The following TNFSF4 variants were observed in gnomAD, a reference collection of about 807,000 sequenced individuals.
The protein encoded by TNFSF4 is TNF superfamily member 4, also known as tumor necrosis factor ligand superfamily member 4.
A neutral mutation model predicts 7.3 loss-of-function variants in TNFSF4; 4 were observed. That is an observed-to-expected ratio of 0.55 (90% CI 0.27 to 1.25). The LOEUF is 1.25. Among genes scored for constraint, TNFSF4 ranks in the 50% most tolerant of loss-of-function variants. The probability of loss-of-function intolerance (pLI) is 0.12; values close to 1 mark genes in which losing one functional copy is unlikely to be tolerated. For missense variants in TNFSF4, 181 were observed against 208.8 expected, an observed-to-expected ratio of 0.87 and a Z score of 0.82; for synonymous variants, 76 against 83.7, an observed-to-expected ratio of 0.91 and a Z score of 0.50.
At chr1:173,356,774 T>C in the TNFSF4 span, among the ~76,000 whole-genome samples, 145,779 of 152,316 alleles carry the variant, frequency 0.96, 70,086 homozygotes, top group East Asian at 1. Flanking sequence ...TAGCAATCAA[T>C]AGTATAATTT....
the TNFSF4 span, among the ~76,000 whole-genome samples, chr1:173,446,705 T>C: frequency 1.3e-5 from 2 of 152,186 alleles, no homozygotes; most frequent in African/African-American, 4.8e-5. Context: ...CTGGCCTTCA[T>C]CTTTCTCCCC....
In TNFSF4 at chr1:173,186,811, A is replaced by T. The variant is rs1023344414; in HGVS notation, c.257T>A (p.Met86Lys). ...ILTSQKEDEI[M>K]KVQNNSVIIN... ...GATGACTGAGTTGTTCTGCACCTTC[A>T]TGATTTCATCCTCCTTTTGGGAAGT... Residue 86 changes from methionine (M) to lysine (K), a missense_variant, in exon 3 of 3, where the codon ATG becomes AAG. Transcript: ENST00000281834. 3 of 1,612,368 alleles carry T rather than the reference A, an allele frequency of 1.9e-6. No individual in the cohort carries two copies. The highest frequency in any genetic ancestry group is 2.5e-6 in the Non-Finnish European group (3 of 1,179,158).
chr1:173,379,987 C>T, the TNFSF4 span, among the ~76,000 whole-genome samples: 1 of 152,204 alleles, frequency 6.6e-6, no homozygotes, highest in Non-Finnish European at 1.5e-5. Context: ...AGCGCCAGCT[C>T]ATGTCATCAG....
chr1:173,375,881 T>A, the TNFSF4 span, among the ~76,000 whole-genome samples: 8 of 152,142 alleles, frequency 5.3e-5, no homozygotes, highest in Non-Finnish European at 8.8e-5. Flanking sequence ...GTCCGTGCCA[T>A]CTTTAAGAGC....
chr1:173,292,047 T>C, the TNFSF4 span, among the ~76,000 whole-genome samples: 1 of 151,766 alleles, frequency 6.6e-6, no homozygotes. Flanking sequence ...AGCTGAATTA[T>C]ACCAAACGTA....
At chr1:173,278,574 G>C in the TNFSF4 span, among the ~76,000 whole-genome samples, 97 of 152,188 alleles carry the variant, frequency 6.4e-4, no homozygotes, top group African/African-American at 2.1e-3. Flanking sequence ...TCACTGGAAA[G>C]TAGTCTTCAA....
At chr1:173,190,674 A>G (rs574320203) in intron 1 of TNFSF4, among the ~76,000 whole-genome samples, 7 of 152,370 alleles carry the variant, frequency 4.6e-5, no homozygotes, top group African/African-American at 1.7e-4. Context: ...ACCTGTCAGA[A>G]GGCAAATGAC....
the TNFSF4 span, among the ~76,000 whole-genome samples, chr1:173,403,342 A>T: frequency 6.6e-6 from 1 of 152,186 alleles, no homozygotes. Flanking sequence ...GCCAGCAGAG[A>T]CCATCAAGGC....
chr1:173,323,875 T>G, the TNFSF4 span, among the ~76,000 whole-genome samples: 1 of 152,142 alleles, frequency 6.6e-6, no homozygotes, highest in Non-Finnish European at 1.5e-5. Context: ...AAAGACCAAA[T>G]CTACGTCTAA....
intron 1 of TNFSF4, among the ~76,000 whole-genome samples, chr1:173,189,929 G>T (rs1226466494): frequency 6.6e-6 from 1 of 152,028 alleles, no homozygotes; most frequent in Non-Finnish European, 1.5e-5. Context: ...AAAAATGTCT[G>T]CTGGGCACGG....
At chr1:173,363,654 A>G in the TNFSF4 span, 1 of 362,104 alleles carries the variant, frequency 2.8e-6, no homozygotes, top group South Asian at 2.8e-5. Flanking sequence ...TTGGAGATGA[A>G]GAATGCTGAA....
chr1:173,193,758 A>G (rs1264697217), intron 1 of TNFSF4, among the ~76,000 whole-genome samples: 1 of 143,204 alleles, frequency 7.0e-6, no homozygotes, highest in Admixed American at 7.1e-5. Context: ...CAGGGCTCCC[A>G]TAAGTGAAGC....
chr1:173,348,821 G>T, the TNFSF4 span, among the ~76,000 whole-genome samples: 1 of 152,132 alleles, frequency 6.6e-6, no homozygotes, highest in Non-Finnish European at 1.5e-5. Flanking sequence ...CATAGAACCA[G>T]GCAAAACTAG....
At chr1:173,230,641 C>G in the TNFSF4 span, among the ~76,000 whole-genome samples, 2 of 152,042 alleles carry the variant, frequency 1.3e-5, no homozygotes, top group Non-Finnish European at 2.9e-5. Context: ...AATCTAGGAG[C>G]TGGTTTTTTG....
the TNFSF4 span, among the ~76,000 whole-genome samples, chr1:173,415,352 C>T: frequency 1.3e-5 from 2 of 152,282 alleles, no homozygotes; most frequent in South Asian, 4.1e-4. Flanking sequence ...AGTCCCATGG[C>T]CTAGCTACAG....
the TNFSF4 span, among the ~76,000 whole-genome samples, chr1:173,423,356 C>G: frequency 6.6e-6 from 1 of 152,200 alleles, no homozygotes; most frequent in Non-Finnish European, 1.5e-5. Flanking sequence ...TTTTCCACCT[C>G]TTTAATTAAA....
the TNFSF4 span, among the ~76,000 whole-genome samples, chr1:173,446,111 A>G: frequency 6.6e-6 from 1 of 152,204 alleles, no homozygotes; most frequent in Non-Finnish European, 1.5e-5. Context: ...TGAAAAGTAC[A>G]GTCAATAAAT....
the TNFSF4 span, among the ~76,000 whole-genome samples, chr1:173,373,556 G>A: frequency 6.6e-6 from 1 of 152,214 alleles, no homozygotes; most frequent in African/African-American, 2.4e-5. Flanking sequence ...CGGGTATAGA[G>A]AACACTCATC....
chr1:173,288,699 ACT>A, the TNFSF4 span, among the ~76,000 whole-genome samples: 13 of 152,038 alleles, frequency 8.6e-5, no homozygotes, highest in African/African-American at 1.7e-4. Flanking sequence ...AAAAATTAAA[ACT>A]CTCATATCTT....
Sources: gnomAD v4.1 joint callset for allele counts (sites outside exome capture counted in the v4.1 genomes callset) on GRCh38, gnomAD v4.1.1 for gene constraint, MANE v1.5 for transcripts, NCBI Gene and HGNC (gene_info 2026-07-23, HGNC 2026-07-21) for gene names.